PPA2: variants seen among roughly 807,000 people sequenced by gnomAD.
PPA2 encodes inorganic pyrophosphatase 2, mitochondrial.
In PPA2, 48 loss-of-function variants were observed where a neutral mutation model predicts 49.5. That is an observed-to-expected ratio of 0.97 (90% confidence interval 0.77 to 1.23). PPA2 has a LOEUF of 1.23. Ranked by LOEUF, PPA2 falls within the 50% of genes most tolerant of loss-of-function variation. PPA2 has a pLI of 0.00. For missense variants in PPA2, 429 were observed against 410.1 expected (o/e 1.05, Z -0.40); for synonymous variants, 131 against 139.9 (o/e 0.94, Z 0.45).
intron 9 of PPA2, among the ~76,000 whole-genome samples, chr4:105,391,344 C>CAAAAAAAAAAAA (rs11373169): frequency 2.9e-5 from 3 of 102,516 alleles, no homozygotes; most frequent in East Asian, 3.1e-4. Flanking sequence ...CTTAAAGTAA[C>CAAAAAAAAAAAA]AAAAAAAAAA....
chr4:105,429,899 C>A (rs903014913), intron 6 of PPA2, among the ~76,000 whole-genome samples: 9 of 152,064 alleles, frequency 5.9e-5, no homozygotes, highest in Non-Finnish European at 1.3e-4. Context: ...TAAAATATTT[C>A]AAAAATATTT....
chr4:105,460,503 T>C (rs1479386211), intron 1 of PPA2, among the ~76,000 whole-genome samples: 1 of 152,190 alleles, frequency 6.6e-6, no homozygotes, highest in African/African-American at 2.4e-5. Context: ...GAAGCTCTTA[T>C]TCCAAGAACA....
chr4:105,466,121 A>G (rs1723290774), intron 1 of PPA2, among the ~76,000 whole-genome samples: 2 of 152,132 alleles, frequency 1.3e-5, no homozygotes, highest in South Asian at 4.1e-4. Flanking sequence ...TACTTGTTTT[A>G]ACAAGTTATT....
rs751999623 is a variant in PPA2 at position 105,369,678 on chromosome 4, A to AAAAAGAGTCTTGGG, written c.*46_*47insCCCAAGACTCTTTT. 18 of 1,087,218 alleles carry AAAAAGAGTCTTGGG rather than the reference A, an allele frequency of 1.7e-5. No homozygotes were observed. The African/African-American group carries it at 4.7e-4, about 28-fold the overall frequency. 67.3% of individuals were successfully genotyped at this position (1,087,218 alleles called of 1,614,324 possible). The stretch of plus-strand genomic sequence containing the variant: ...AGACCCCCTTGTCTCTAGCACTTGG[A>AAAAAGAGTCTTGGG]GTCCTTAGAGATGGGAATCTTGACA... On this transcript the variant is annotated 3_prime_UTR_variant, in exon 12 of 12. Transcript: ENST00000341695.
intron 6 of PPA2, among the ~76,000 whole-genome samples, chr4:105,432,721 A>G (rs1394471675): frequency 6.6e-6 from 1 of 152,134 alleles, no homozygotes; most frequent in Non-Finnish European, 1.5e-5. Flanking sequence ...GATTTTATTT[A>G]TTTATTTTTT....
intron 1 of PPA2, among the ~76,000 whole-genome samples, chr4:105,468,978 T>C (rs1378328979): frequency 6.6e-6 from 1 of 152,204 alleles, no homozygotes. Flanking sequence ...TGAACACATA[T>C]ACTTAAGCTG....
chr4:105,415,362 T>C lies in PPA2; in HGVS notation c.655+8834A>G, dbSNP rs527531667. 2.7e-3 allele frequency among the ~76,000 whole-genome samples: 413 copies of C among 152,326 alleles called. 2 individuals are homozygous for C. Among genetic ancestry groups the C allele is most frequent in the Admixed American group, 6.9e-3 (105 of 15,306 alleles). On this transcript the variant is annotated intron_variant, in intron 7 of 11. Coordinates refer to ENST00000341695, the MANE Select transcript of PPA2 (RefSeq NM_176869.3). ...CAGCACCTCTTTGGCCTCCCTCCCA[T>C]GCTCGTCAGCGCCAAAAGTCCAGAG... is the stretch of plus-strand genomic sequence containing the variant.
chr4:105,398,053 A>G (rs1482275647), intron 8 of PPA2, among the ~76,000 whole-genome samples: 1 of 150,658 alleles, frequency 6.6e-6, no homozygotes, highest in Non-Finnish European at 1.5e-5. Flanking sequence ...TCATCTTTAT[A>G]CAGAAAAGAA....
At chr4:105,453,446 G>T in intron 3 of PPA2, 152 bp downstream of exon 3, 1 of 513,410 alleles carries the variant, frequency 1.9e-6, no homozygotes, top group Non-Finnish European at 3.4e-6. Context: ...GGCAATAGCT[G>T]CCCTAGCTGC....
intron 7 of PPA2, among the ~76,000 whole-genome samples, chr4:105,403,005 T>C (rs1722286875): frequency 6.7e-6 from 1 of 148,814 alleles, no homozygotes; most frequent in African/African-American, 2.6e-5. Context: ...TCTTTTTCTT[T>C]CTTTCTTTCT....
intron 6 of PPA2, among the ~76,000 whole-genome samples, chr4:105,433,308 C>T (rs373816639): frequency 1.3e-5 from 2 of 152,130 alleles, no homozygotes; most frequent in East Asian, 1.9e-4. Context: ...TAAAAAAACA[C>T]CAAACCTCTG....
Position 105,446,463 on chromosome 4 carries a change from C to T in PPA2, c.361G>A (p.Val121Ile). 6.2e-7 allele frequency: 1 copy of T among 1,605,748 alleles called. No homozygotes were observed. Among genetic ancestry groups the T allele is most frequent in the Admixed American group, 1.7e-5 (1 of 58,502 alleles). The change falls in exon 5 of 12, where the codon GTA (valine) becomes ATA (isoleucine). Residue 121 changes from valine (V) to isoleucine (I), a missense_variant. Physicochemically the swap from Val to Ile is conservative, Grantham distance 29. Transcript: ENST00000341695. ...ACATAGCGTAGCTTTCCATCCTTTA[C>T]ATATTGTTTAATGGGATTCATTGGC... is the stretch of plus-strand genomic sequence containing the variant. Reference protein sequence around the residue: ...KEPMNPIKQYVKDGKLRYVAN... With the variant: ...KEPMNPIKQYIKDGKLRYVAN...
chr4:105,466,306 T>G (rs1185346729), intron 1 of PPA2, among the ~76,000 whole-genome samples: 2 of 151,984 alleles, frequency 1.3e-5, no homozygotes, highest in Admixed American at 6.6e-5. Context: ...CTTGAATATA[T>G]GCACTGTACT....
chr4:105,473,905 C>T lies in PPA2; in HGVS notation c.146G>A (p.Arg49His). 1.3e-6 allele frequency: 2 copies of T among 1,599,870 alleles called. No homozygotes were observed. Among genetic ancestry groups the T allele is most frequent in the South Asian group, 2.2e-5 (2 of 90,368 alleles). Reference protein sequence around the residue: ...ERGQPCSQNYRLFFKNVTGHY... With the variant: ...ERGQPCSQNYHLFFKNVTGHY... ...CGGGAGCTACTTACTAAAGAAGAGG[C>T]GGTAATTCTGCGAGCAGGGCTGGCC... The change falls in exon 1 of 12, where the codon CGC becomes CAC. Residue 49 changes from arginine (R) to histidine (H), a missense_variant. Arg to His is a conservative substitution (Grantham distance 29). Coordinates refer to ENST00000341695, the MANE Select transcript of PPA2 (RefSeq NM_176869.3).
At chr4:105,449,428 G>A in intron 3 of PPA2, 25 bp from the exon 4 acceptor site, 1 of 1,475,936 alleles carries the variant, frequency 6.8e-7, no homozygotes. Context: ...AAAACAAAGA[G>A]AGAACATTAA....
At chr4:105,390,369 CAGACAACCTACA>C (rs1315577521) in intron 9 of PPA2, among the ~76,000 whole-genome samples, 2 of 152,006 alleles carry the variant, frequency 1.3e-5, no homozygotes, top group Non-Finnish European at 2.9e-5. Flanking sequence ...TCAGAGTGAA[CAGACAACCTACA>C]AAATGGGAGA....
intron 6 of PPA2, among the ~76,000 whole-genome samples, chr4:105,436,064 G>T (rs1050653838): frequency 6.6e-6 from 1 of 151,976 alleles, no homozygotes; most frequent in Non-Finnish European, 1.5e-5. Context: ...AACCCTAAAG[G>T]CTCCTCCAAA....
chr4:105,423,710 G>A (rs1232258491), intron 7 of PPA2, among the ~76,000 whole-genome samples: 1 of 152,144 alleles, frequency 6.6e-6, no homozygotes, highest in Non-Finnish European at 1.5e-5. Flanking sequence ...TCGTTAGAGG[G>A]CAGTTACTTT....
rs770770538 is a variant in PPA2, at chr4:105,424,297, T to G, written c.554A>C (p.His185Pro). ...SKILSCGEVI[H>P]VKILGILALI... ...AGCCAAAATTCCAAGGATCTTCACA[T>G]GAATAACTTCTCCACAAGAAAGAAT... The change falls in exon 7 of 12, where the codon CAT becomes CCT. Residue 185 changes from histidine to proline, a missense_variant. Transcript: ENST00000341695. 6 of 1,599,484 alleles carry G rather than the reference T, an allele frequency of 3.8e-6. No individual in the cohort carries two copies. In the South Asian group the frequency reaches 6.9e-5, roughly 18 times the overall value.
Sources: allele counts gnomAD v4.1 joint callset (sites outside exome capture counted in the v4.1 genomes callset), GRCh38; gene constraint gnomAD v4.1.1; transcripts MANE v1.5; gene names NCBI Gene and HGNC (gene_info 2026-07-23, HGNC 2026-07-21).